ZNF426: variants seen among roughly 807,000 people sequenced by gnomAD.
ZNF426 encodes zinc finger protein 426.
Under a neutral mutation model 24.0 loss-of-function variants are expected in ZNF426, and 23 were observed. That is an observed-to-expected ratio of 0.96 (90% confidence interval 0.69 to 1.36). ZNF426 has a LOEUF of 1.36. Ranked by LOEUF, ZNF426 falls within the 40% of genes most tolerant of loss-of-function variation. The pLI, the probability that ZNF426 is intolerant of heterozygous loss-of-function variation, is 0.00. For synonymous variants in ZNF426, 272 were observed against 224.6 expected (o/e 1.21, Z -1.89); for missense variants, 646 against 658.4 (o/e 0.98, Z 0.21).
chr19:9,534,896 G>A (rs1599718287), intron 4 of ZNF426, among the ~76,000 whole-genome samples: 1 of 152,162 alleles, frequency 6.6e-6, no homozygotes, highest in Non-Finnish European at 1.5e-5. Context: ...TGCCCGGCCT[G>A]GGATGATTTC....
rs1053861124 is a variant in ZNF426, at chr19:9,527,991, T to TG, written c.*388_*389insC. The TG allele has an allele frequency of 4.7e-5, 6 of 127,706 alleles. No homozygotes were observed. The highest frequency in any genetic ancestry group is 2.7e-4 in the South Asian group (1 of 3,638). The allele number at this position is 127,706 out of a possible 1,614,324, so 7.9% of individuals were successfully genotyped here. A position where few individuals can be genotyped will look rare whatever the true frequency, so the allele number is the denominator to read the frequency against. On this transcript the variant is annotated 3_prime_UTR_variant, in exon 8 of 8. Coordinates refer to ENST00000253115, the MANE Select transcript of ZNF426 (RefSeq NM_024106.3). ...GACTCAATTTAATCAAATAATTTTC[T>TG]TTTTTTTTTTTTTTTGAGATGGAGT...
rs879368572 is a variant in ZNF426 at position 9,528,258 on chromosome 19, G to A, written c.*122C>T. 2.6e-5 allele frequency: 28 copies of A among 1,068,922 alleles called. No homozygotes were observed. The highest frequency in any genetic ancestry group is 3.7e-5 in the Non-Finnish European group (28 of 757,894). 66.2% of individuals were successfully genotyped at this position (1,068,922 alleles called of 1,614,324 possible). ...CCACCTCAGCCTCTCAAAATGCTGGGATTACAGGAATTAAGTAATTTTCAT... is the reference window on the plus strand; with the variant it reads ...CCACCTCAGCCTCTCAAAATGCTGGAATTACAGGAATTAAGTAATTTTCAT... On this transcript the variant is annotated 3_prime_UTR_variant, in exon 8 of 8. Coordinates refer to ENST00000253115, the MANE Select transcript of ZNF426 (RefSeq NM_024106.3).
chr19:9,532,745 T>G, intron 6 of ZNF426, 100 bp downstream of exon 6: 1 of 830,228 alleles, frequency 1.2e-6, no homozygotes, highest in Non-Finnish European at 2.0e-6. Context: ...CCTTGGGGTT[T>G]AGAGTGCAGG....
rs150586940 is a variant in ZNF426 at position 9,531,915 on chromosome 19, G to A, written c.326-848C>T. On this transcript the variant is annotated intron_variant, in intron 6 of 7. Transcript: ENST00000253115. ...CAGGAGAACGGCATAAACCCGGGAG[G>A]TGGAGCTTGCAGTGAGCTGAGATTG... Among the ~76,000 whole-genome samples the A allele has an allele frequency of 4.6e-4, 70 of 152,322 alleles. 1 individual carries two copies. The East Asian group carries it at 0.013, about 29-fold the overall frequency.
Position 9,525,704 on chromosome 19 carries a change from G to A in ZNF426, c.*2676C>T, listed in dbSNP as rs1033068228. 4 of 152,122 alleles carry A rather than the reference G, an allele frequency of 2.6e-5. No homozygotes were observed. Among genetic ancestry groups the A allele is most frequent in the African/African-American group, 7.2e-5 (3 of 41,398 alleles). 9.4% of individuals were successfully genotyped at this position (152,122 alleles called of 1,614,324 possible). On this transcript the variant is annotated 3_prime_UTR_variant, in exon 8 of 8. Coordinates refer to ENST00000253115, the MANE Select transcript of ZNF426 (RefSeq NM_024106.3). ...GGGTTTCACCATGTTGGCCAGGATGGTCTCGATCTCCTGACCTCATGATCC... is the reference window on the plus strand; with the variant it reads ...GGGTTTCACCATGTTGGCCAGGATGATCTCGATCTCCTGACCTCATGATCC...
Position 9,529,553 on chromosome 19 carries a change from G to C in ZNF426, c.492C>G (p.His164Gln). 9.3e-6 allele frequency: 15 copies of C among 1,610,430 alleles called. No homozygotes were observed. The highest frequency in any genetic ancestry group is 1.2e-5 in the Non-Finnish European group (14 of 1,180,000). The change falls in exon 8 of 8, where the codon CAC (histidine) becomes CAG (glutamine). Residue 164 changes from histidine to glutamine, a missense_variant. Transcript: ENST00000253115. ...TGTTCCCTGTACTTTGAGTTCTCACGTGCGTCTTAAGGCATGAGTGTTCAC... is the reference window on the plus strand; with the variant it reads ...TGTTCCCTGTACTTTGAGTTCTCACCTGCGTCTTAAGGCATGAGTGTTCAC... ...VFSEHSCLKT[H>Q]VRTQSTGNTH...
At chr19:9,531,201 A>G (rs1232197701) in intron 6 of ZNF426, 134 bp from the exon 7 acceptor site, 1 of 658,308 alleles carries the variant, frequency 1.5e-6, no homozygotes, top group South Asian at 1.7e-5. Context: ...CCTGGCCAAC[A>G]TGGCAAAACC....
In ZNF426 at chr19:9,538,622, G is replaced by C. The variant is rs1485962643; in HGVS notation, c.-259C>G. ...CTGAAAGGCAAAAAGACTCTCAGGC[G>C]CTCACAGCCGGCGTCACAAAAGGAA... is the stretch of plus-strand genomic sequence containing the variant. On this transcript the variant is annotated 5_prime_UTR_variant, in exon 1 of 8. Transcript: ENST00000253115. 1 of 152,236 alleles carries C rather than the reference G, an allele frequency of 6.6e-6. No individual in the cohort carries two copies. Among genetic ancestry groups the C allele is most frequent in the Non-Finnish European group, 1.5e-5 (1 of 68,086 alleles). 9.4% of individuals were successfully genotyped at this position (152,236 alleles called of 1,614,324 possible). A position where few individuals can be genotyped will look rare whatever the true frequency, so the allele number is the denominator to read the frequency against.
chr19:9,533,657 G>A (rs1195743043), intron 5 of ZNF426, among the ~76,000 whole-genome samples, 183 bp downstream of exon 5: 1 of 152,164 alleles, frequency 6.6e-6, no homozygotes, highest in East Asian at 1.9e-4. Flanking sequence ...GGCAGATGGT[G>A]TTGCTATTAA....
intron 2 of ZNF426, among the ~76,000 whole-genome samples, chr19:9,537,807 C>CTT (rs1057305299): frequency 6.6e-6 from 1 of 152,098 alleles, no homozygotes; most frequent in African/African-American, 2.4e-5. Flanking sequence ...CCCACCACCA[C>CTT]GCTCGGCTAA....
Position 9,533,668 on chromosome 19 carries a change from T to C in ZNF426, c.244+172A>G, listed in dbSNP as rs2073921768. ...AACAGGCAGATGGTGTTGCTATTAA[T>C]CTTGGACCACATTTTCAGAATGGTC... On this transcript the variant is annotated intron_variant, in intron 5 of 7. Coordinates refer to ENST00000253115, the MANE Select transcript of ZNF426 (RefSeq NM_024106.3). Among the ~76,000 whole-genome samples, 3 of 152,214 alleles carry C rather than the reference T, an allele frequency of 2.0e-5. No homozygotes were observed. The South Asian group carries it at 6.2e-4, about 31-fold the overall frequency.
chr19:9,530,995 C>T lies in ZNF426; in HGVS notation c.398G>A (p.Gly133Glu), dbSNP rs2073874810. ...CTATGCAAATCTTACCAATTGTATC[C>T]CAATGGATGTCTGACCCCTCAAAAA... ...QDFLRGQTSI[G>E]IQLEGKHNGR... Residue 133 changes from glycine (G) to glutamate (E), a missense_variant, in exon 7 of 8, where the codon GGG becomes GAG. By Grantham distance (98) the Gly-to-Glu change is moderately conservative. Coordinates refer to ENST00000253115, the MANE Select transcript of ZNF426 (RefSeq NM_024106.3). 6.2e-7 allele frequency: 1 copy of T among 1,612,744 alleles called. No individual in the cohort carries two copies. Among genetic ancestry groups the T allele is most frequent in the East Asian group, 2.2e-5 (1 of 44,876 alleles).
chr19:9,532,278 C>CTTTTTTTTTTTT (rs1020434068), intron 6 of ZNF426, among the ~76,000 whole-genome samples: 3 of 117,454 alleles, frequency 2.6e-5, no homozygotes, highest in Non-Finnish European at 3.5e-5. Context: ...TTCTTTTTTT[C>CTTTTTTTTTTTT]TTTTTTTTTT....
chr19:9,534,139 C>T (rs73923608), intron 4 of ZNF426, among the ~76,000 whole-genome samples, 173 bp from the exon 5 acceptor site: 4,106 of 152,332 alleles, frequency 0.027, 191 homozygotes, highest in African/African-American at 0.093. Flanking sequence ...TCACTGTCAT[C>T]TCCTCCACTC....
At chr19:9,533,515 G>A (rs2073919483) in intron 5 of ZNF426, among the ~76,000 whole-genome samples, 1 of 152,124 alleles carries the variant, frequency 6.6e-6, no homozygotes, top group Non-Finnish European at 1.5e-5. Flanking sequence ...ATTCTTCTGG[G>A]GAAACAACTA....
chr19:9,523,241 T>C lies in ZNF426; in HGVS notation c.*5139A>G, dbSNP rs2144757249. On this transcript the variant is annotated 3_prime_UTR_variant, in exon 8 of 8. Coordinates refer to ENST00000253115, the MANE Select transcript of ZNF426 (RefSeq NM_024106.3). ...CATTGAATGGCTTAAACAACAGAAA[T>C]TTATTTGCTCATAATTTTTGAGGCT... is the stretch of plus-strand genomic sequence containing the variant. 6.6e-6 allele frequency: 1 copy of C among 152,218 alleles called. No individual in the cohort carries two copies. Among genetic ancestry groups the C allele is most frequent in the Admixed American group, 6.5e-5 (1 of 15,278 alleles). The allele number at this position is 152,218 out of a possible 1,614,324, so 9.4% of individuals were successfully genotyped here. A position where few individuals can be genotyped will look rare whatever the true frequency, so the allele number is the denominator to read the frequency against.
In ZNF426 at chr19:9,538,629, G is replaced by A. The variant is rs2074004760; in HGVS notation, c.-266C>T. 1 of 152,260 alleles carries A rather than the reference G, an allele frequency of 6.6e-6. No individual in the cohort carries two copies. The highest frequency in any genetic ancestry group is 1.5e-5 in the Non-Finnish European group (1 of 68,088). The allele number at this position is 152,260 out of a possible 1,614,324, so 9.4% of individuals were successfully genotyped here. A position where few individuals can be genotyped will look rare whatever the true frequency, so the allele number is the denominator to read the frequency against. On this transcript the variant is annotated 5_prime_UTR_variant, in exon 1 of 8. Coordinates refer to ENST00000253115, the MANE Select transcript of ZNF426 (RefSeq NM_024106.3). ...GCAAAAAGACTCTCAGGCGCTCACA[G>A]CCGGCGTCACAAAAGGAACGGCGCA...
In ZNF426 at chr19:9,528,872, A is replaced by G. The variant is rs373322693; in HGVS notation, c.1173T>C (p.Pro391=). ...QHIRTHTGEK[P]FVCVECGKAF... ...CTTTCCCACATTCAACACATACAAA[A>G]GGCTTCTCTCCAGTGTGAGTTCTTA... The change falls in exon 8 of 8, where the codon CCT becomes CCC. Residue 391 remains proline, a synonymous_variant. Coordinates refer to ENST00000253115, the MANE Select transcript of ZNF426 (RefSeq NM_024106.3). 10 of 1,612,828 alleles carry G rather than the reference A, an allele frequency of 6.2e-6. No homozygotes were observed. Among genetic ancestry groups the G allele is most frequent in the Non-Finnish European group, 8.5e-6 (10 of 1,179,638 alleles).
rs751792659 is a variant in ZNF426 at position 9,536,287 on chromosome 19, C to T, written c.-55G>A. 7.4e-6 allele frequency: 12 copies of T among 1,614,036 alleles called. No homozygotes were observed. In the African/African-American group the frequency reaches 1.5e-4, roughly 20 times the overall value. On this transcript the variant is annotated 5_prime_UTR_variant, in exon 3 of 8. Transcript: ENST00000253115. ...CCTTTCATTGATGTCACCATCACTT[C>T]AGGACACCTCATTAATCTAAATGGA...
Sources: gnomAD v4.1 joint callset for allele counts (sites outside exome capture counted in the v4.1 genomes callset) on GRCh38, gnomAD v4.1.1 for gene constraint, MANE v1.5 for transcripts, NCBI Gene and HGNC (gene_info 2026-07-23, HGNC 2026-07-21) for gene names.